The following KCTD8 variants were observed in gnomAD, a reference collection of about 807,000 sequenced individuals.
KCTD8 encodes the protein BTB/POZ domain-containing protein KCTD8.
In KCTD8, 27 loss-of-function variants were observed where a neutral mutation model predicts 31.5. The ratio of observed to expected loss-of-function variants is 0.86; its 90% CI spans 0.63 to 1.18. KCTD8 has a LOEUF of 1.18. Ranked by LOEUF, KCTD8 falls within the 50% of genes most tolerant of loss-of-function variation. The pLI is 0.00. For synonymous variants in KCTD8, 290 were observed against 280.0 expected (o/e 1.04, Z -0.36); for missense variants, 658 against 647.7 (o/e 1.02, Z -0.17).
intron 1 of KCTD8, among the ~76,000 whole-genome samples, chr4:44,355,347 T>A (rs558285630): frequency 1.3e-5 from 2 of 152,160 alleles, no homozygotes; most frequent in South Asian, 4.1e-4. Context: ...TTTTCAGGAG[T>A]TAGTGAGATC....
chr4:44,311,735 A>G lies in KCTD8; in HGVS notation c.961+135828T>C, dbSNP rs900750538. ...ATGCAAGTGATTCAGGTTCTGAAAA[A>G]GAAAATGCCAAATTAATTTATTTGT... is the stretch of plus-strand genomic sequence containing the variant. On this transcript the variant is annotated intron_variant, in intron 1 of 1. Coordinates refer to ENST00000360029, the MANE Select transcript of KCTD8 (RefSeq NM_198353.3). 3.3e-5 allele frequency among the ~76,000 whole-genome samples: 5 copies of G among 151,922 alleles called. No homozygotes were observed. The South Asian group carries it at 1.0e-3, about 32-fold the overall frequency.
chr4:44,208,316 G>A (rs1375908494), intron 1 of KCTD8, among the ~76,000 whole-genome samples: 4 of 152,108 alleles, frequency 2.6e-5, no homozygotes, highest in Admixed American at 2.0e-4. Context: ...CTGCCCCTGT[G>A]TATCCTGGCA....
chr4:44,215,174 T>C (rs1311239229), intron 1 of KCTD8, among the ~76,000 whole-genome samples: 3 of 152,156 alleles, frequency 2.0e-5, no homozygotes, highest in African/African-American at 7.2e-5. Flanking sequence ...TGAGCAATAA[T>C]AAAACTCTGG....
At chr4:44,189,855 A>AT (rs1276184558) in intron 1 of KCTD8, among the ~76,000 whole-genome samples, 1 of 152,020 alleles carries the variant, frequency 6.6e-6, no homozygotes, top group Non-Finnish European at 1.5e-5. Flanking sequence ...CTATTTTCCT[A>AT]TTTTTATAGA....
chr4:44,198,351 T>G (rs537073568), intron 1 of KCTD8, among the ~76,000 whole-genome samples: 1 of 152,238 alleles, frequency 6.6e-6, no homozygotes, highest in Non-Finnish European at 1.5e-5. Context: ...TAGCATATAG[T>G]CATCAGACTC....
At chr4:44,438,765 A>C (rs541434167) in intron 1 of KCTD8, among the ~76,000 whole-genome samples, 14 of 152,314 alleles carry the variant, frequency 9.2e-5, no homozygotes, top group African/African-American at 3.4e-4. Context: ...TATTGTAAAG[A>C]AATGGGATTG....
At chr4:44,316,313 ATATT>A (rs1000958217) in intron 1 of KCTD8, among the ~76,000 whole-genome samples, 10 of 152,026 alleles carry the variant, frequency 6.6e-5, no homozygotes, top group Admixed American at 5.9e-4. Flanking sequence ...TTACACCTAA[ATATT>A]TATAAGGGCA....
intron 1 of KCTD8, among the ~76,000 whole-genome samples, chr4:44,401,492 C>T (rs1216808246): frequency 6.6e-6 from 1 of 152,090 alleles, no homozygotes; most frequent in Non-Finnish European, 1.5e-5. Context: ...CAGACTCCCT[C>T]ACAAGATGAA....
At position 44,342,921 on chromosome 4, in the gene KCTD8, T is replaced by C. The variant is rs555913073; in HGVS notation, c.961+104642A>G. Among the ~76,000 whole-genome samples, 17 of 152,360 alleles carry C rather than the reference T, an allele frequency of 1.1e-4. No homozygotes were observed. The South Asian group carries it at 3.3e-3, about 30-fold the overall frequency. On this transcript the variant is annotated intron_variant, in intron 1 of 1. Coordinates refer to ENST00000360029, the MANE Select transcript of KCTD8 (RefSeq NM_198353.3). The stretch of plus-strand genomic sequence containing the variant: ...TTAGCCTTCAGATAACTGAACTAAA[T>C]AAGGGCCTTGCTCTGGATTAGATTC...
chr4:44,440,505 G>A (rs1194297585), intron 1 of KCTD8, among the ~76,000 whole-genome samples: 1 of 152,036 alleles, frequency 6.6e-6, no homozygotes, highest in Non-Finnish European at 1.5e-5. Flanking sequence ...CAAGGTCTCT[G>A]TCTTATTCAT....
chr4:44,325,264 G>C (rs980053089), intron 1 of KCTD8, among the ~76,000 whole-genome samples: 2 of 151,840 alleles, frequency 1.3e-5, no homozygotes, highest in Non-Finnish European at 2.9e-5. Context: ...AATTCAAAGT[G>C]AAGAGAACGG....
At chr4:44,390,767 G>C (rs1265854182) in intron 1 of KCTD8, among the ~76,000 whole-genome samples, 1 of 151,914 alleles carries the variant, frequency 6.6e-6, no homozygotes, top group East Asian at 1.9e-4. Context: ...AGTTAATGTG[G>C]TAAAATTGGC....
chr4:44,302,400 G>T (rs1004159884), intron 1 of KCTD8, among the ~76,000 whole-genome samples: 47 of 152,138 alleles, frequency 3.1e-4, no homozygotes, highest in African/African-American at 1.1e-3. Context: ...TCATTGAGCA[G>T]TGGTTTGTAG....
intron 1 of KCTD8, among the ~76,000 whole-genome samples, chr4:44,282,073 C>T (rs1305962858): frequency 1.3e-5 from 2 of 151,988 alleles, no homozygotes; most frequent in African/African-American, 4.8e-5. Context: ...TCGATGCATT[C>T]AACAAAGTAC....
At chr4:44,428,798 C>T (rs1721404964) in intron 1 of KCTD8, among the ~76,000 whole-genome samples, 1 of 151,756 alleles carries the variant, frequency 6.6e-6, no homozygotes, top group Admixed American at 6.6e-5. Flanking sequence ...AAAGACCACA[C>T]TGAAATATAA....
intron 1 of KCTD8, among the ~76,000 whole-genome samples, chr4:44,308,981 A>G (rs1195970534): frequency 6.6e-6 from 1 of 152,162 alleles, no homozygotes; most frequent in East Asian, 1.9e-4. Context: ...ATAATAGAAT[A>G]TAGATTAGAC....
chr4:44,300,985 C>A (rs559731013), intron 1 of KCTD8, among the ~76,000 whole-genome samples: 28 of 145,724 alleles, frequency 1.9e-4, no homozygotes, highest in Non-Finnish European at 3.5e-4. Flanking sequence ...TTTGTCCTTG[C>A]GATAGTTTAC....
At chr4:44,379,693 CT>C (rs1354208655) in intron 1 of KCTD8, among the ~76,000 whole-genome samples, 1 of 152,026 alleles carries the variant, frequency 6.6e-6, no homozygotes, top group Non-Finnish European at 1.5e-5. Context: ...ACTATATCAG[CT>C]TTTTAATTTG....
At chr4:44,241,173 A>G (rs959149180) in intron 1 of KCTD8, among the ~76,000 whole-genome samples, 1 of 152,220 alleles carries the variant, frequency 6.6e-6, no homozygotes, top group African/African-American at 2.4e-5. Flanking sequence ...TGAGTTTTGC[A>G]TGCATTTCTT....
Sources: gnomAD v4.1 joint callset for allele counts (sites outside exome capture counted in the v4.1 genomes callset) on GRCh38, gnomAD v4.1.1 for gene constraint, MANE v1.5 for transcripts, NCBI Gene and HGNC (gene_info 2026-07-23, HGNC 2026-07-21) for gene names.